Variants in C10orf88 observed in about 807,000 individuals in gnomAD.
The protein encoded by C10orf88 is chromosome 10 open reading frame 88.
In C10orf88, 29 loss-of-function variants were observed where a neutral mutation model predicts 34.2. The ratio of observed to expected loss-of-function variants is 0.85; its 90% CI spans 0.63 to 1.16. The LOEUF is 1.16. Among genes scored for constraint, C10orf88 ranks in the 50% most tolerant of loss-of-function variants. The pLI is 0.00. For synonymous variants in C10orf88, 194 were observed against 197.4 expected (o/e 0.98, Z 0.15); for missense variants, 507 against 533.2 (o/e 0.95, Z 0.48).
intron 3 of C10orf88, among the ~76,000 whole-genome samples, chr10:122,951,072 T>G (rs1848685336): frequency 6.6e-6 from 1 of 152,228 alleles, no homozygotes; most frequent in Non-Finnish European, 1.5e-5. Context: ...AGGACAGAAC[T>G]GAATTAGCAT....
At chr10:122,947,669 C>A (rs553059910) in intron 4 of C10orf88, among the ~76,000 whole-genome samples, 2 of 152,276 alleles carry the variant, frequency 1.3e-5, no homozygotes, top group Non-Finnish European at 2.9e-5. Context: ...TTTGCAACAT[C>A]CTTCCAGGGA....
intron 4 of C10orf88, among the ~76,000 whole-genome samples, chr10:122,944,132 C>T (rs1589696259): frequency 6.6e-6 from 1 of 151,738 alleles, no homozygotes; most frequent in East Asian, 1.9e-4. Flanking sequence ...ACCCAAATGT[C>T]CAACAATGAT....
Position 122,952,009 on chromosome 10 carries a change from A to G in C10orf88, c.386T>C (p.Ile129Thr), listed in dbSNP as rs757240069. ...CAATTTTAGATTTTTTTTATACAAA[A>G]TGATCTTTTCATGTTCACTAAAAAT... ...VLDDSEHEKI[I>T]LYKKNLKLES... The change falls in exon 3 of 6, where the codon ATT (isoleucine) becomes ACT (threonine). Residue 129 changes from isoleucine (I) to threonine (T), a missense_variant. Transcript: ENST00000481909. 3.3e-6 allele frequency: 5 copies of G among 1,508,082 alleles called. No homozygotes were observed. Among genetic ancestry groups the G allele is most frequent in the Non-Finnish European group, 4.6e-6 (5 of 1,093,336 alleles). The allele number at this position is 1,508,082 out of a possible 1,614,324, so 93.4% of individuals were successfully genotyped here.
At chr10:122,953,137 G>A in intron 1 of C10orf88, 105 bp from the exon 2 acceptor site, 1 of 890,968 alleles carries the variant, frequency 1.1e-6, no homozygotes, top group African/African-American at 1.7e-5. Context: ...GAATGCAGTG[G>A]CTCCATCTCG....
In C10orf88 at chr10:122,945,547, A is replaced by G. The variant is rs937568697; in HGVS notation, c.648+3102T>C. On this transcript the variant is annotated intron_variant, in intron 4 of 5. Coordinates refer to ENST00000481909, the MANE Select transcript of C10orf88 (RefSeq NM_024942.4). ...CCTGAAGACCTTCCAGTGGGACAAG[A>G]TATGGAGGTGGGAGACAGTGATACT... Among the ~76,000 whole-genome samples the G allele has an allele frequency of 2.0e-5, 3 of 152,072 alleles. No homozygotes were observed. In the East Asian group the frequency reaches 5.8e-4, roughly 29 times the overall value.
rs1239980931 is a variant in C10orf88, at chr10:122,948,738, C to T, written c.559G>A (p.Asp187Asn). 1 of 1,613,980 alleles carries T rather than the reference C, an allele frequency of 6.2e-7. No individual in the cohort carries two copies. Residue 187 changes from aspartate to asparagine, a missense_variant, in exon 4 of 6, where the codon GAC becomes AAC. By Grantham distance (23) the Asp-to-Asn change is conservative. Coordinates refer to ENST00000481909, the MANE Select transcript of C10orf88 (RefSeq NM_024942.4). ...GACTCCATTATGGTTTGGACCTTGT[C>T]AAGGTCTATCCTTGATCCTAGAGCA... Reference protein sequence around the residue: ...SPALGSRIDLDKVQTIMESMG... With the variant: ...SPALGSRIDLNKVQTIMESMG...
chr10:122,932,704 C>T, intron 5 of C10orf88, 43 bp from the exon 6 acceptor site: 1 of 1,315,392 alleles, frequency 7.6e-7, no homozygotes, highest in Non-Finnish European at 1.0e-6. Context: ...TCCCTAATAA[C>T]AAAAACAACC....
intron 4 of C10orf88, among the ~76,000 whole-genome samples, chr10:122,942,691 T>C (rs1414657973): frequency 6.6e-6 from 1 of 150,648 alleles, no homozygotes. Flanking sequence ...GGATACAAAA[T>C]CAATGTACAA....
chr10:122,935,277 T>C (rs767926441), intron 5 of C10orf88, among the ~76,000 whole-genome samples: 2 of 152,210 alleles, frequency 1.3e-5, no homozygotes, highest in South Asian at 2.1e-4. Context: ...AAAAGCTTTA[T>C]AGTTTTATAT....
At position 122,941,287 on chromosome 10, in the gene C10orf88, C is replaced by T. The variant is rs371398017; in HGVS notation, c.649-3128G>A. Among the ~76,000 whole-genome samples, 73 of 152,168 alleles carry T rather than the reference C, an allele frequency of 4.8e-4. No homozygotes were observed. The East Asian group carries it at 0.014, about 29-fold the overall frequency. ...TTGCTAAAGCAAAAGCAAATCAAAG[C>T]CAGCAAACTGAACTTCAAATAGAAG... On this transcript the variant is annotated intron_variant, in intron 4 of 5. Coordinates refer to ENST00000481909, the MANE Select transcript of C10orf88 (RefSeq NM_024942.4).
chr10:122,950,837 T>C (rs1438489079), intron 3 of C10orf88, among the ~76,000 whole-genome samples: 3 of 152,224 alleles, frequency 2.0e-5, no homozygotes, highest in Admixed American at 6.5e-5. Context: ...CTATTTAATA[T>C]ATACTATCCA....
Position 122,937,939 on chromosome 10 carries a change from T to A in C10orf88, c.869A>T (p.Lys290Met). 2 of 1,613,326 alleles carry A rather than the reference T, an allele frequency of 1.2e-6. No homozygotes were observed. The highest frequency in any genetic ancestry group is 1.7e-6 in the Non-Finnish European group (2 of 1,179,460). Residue 290 changes from lysine to methionine, a missense_variant, in exon 5 of 6, where the codon AAG (lysine) becomes ATG (methionine). Transcript: ENST00000481909. ...TQLPGGENST[K>M]LDECKVMPQN... is the part of the protein sequence containing the mutation. ...AGGCATAACTTTACACTCATCAAGC[T>A]TGGTAGAATTCTCTCCACCAGGCAG...
chr10:122,949,231 A>G (rs140380475), intron 3 of C10orf88, among the ~76,000 whole-genome samples: 31 of 152,226 alleles, frequency 2.0e-4, no homozygotes, highest in African/African-American at 7.0e-4. Context: ...CAACCCCTAT[A>G]TTTTTTCCTA....
In C10orf88 at chr10:122,951,958, AT is replaced by A; in HGVS notation, c.436del (p.Ile146Ter). On this transcript the variant is annotated frameshift_variant, in exon 3 of 6. Coordinates refer to ENST00000481909, the MANE Select transcript of C10orf88 (RefSeq NM_024942.4). LOFTEE classifies it high-confidence loss of function. Reference protein sequence around the residue: ...KLESSTHACKIKLLSFGERQC... With the variant: ...KLESSTHACKXKLLSFGERQC... The stretch of plus-strand genomic sequence containing the variant: ...AGTTTACAACTGACAACTTACCTTT[AT>A]TTTACAAGCATGTGTGGAGGACTCC... 1 of 1,541,338 alleles carries A rather than the reference AT, an allele frequency of 6.5e-7. No individual in the cohort carries two copies. The highest frequency in any genetic ancestry group is 8.9e-7 in the Non-Finnish European group (1 of 1,121,284).
Position 122,937,977 on chromosome 10 carries a change from A to T in C10orf88, c.831T>A (p.Asp277Glu). 6.2e-7 allele frequency: 1 copy of T among 1,613,398 alleles called. No homozygotes were observed. Among genetic ancestry groups the T allele is most frequent in the Non-Finnish European group, 8.5e-7 (1 of 1,179,536 alleles). The stretch of plus-strand genomic sequence containing the variant: ...CTCCACCAGGCAGTTGTGTACTTTT[A>T]TCAATGTAAGTTTGTAAGTTTTCAG... ...NVTENLQTYI[D>E]KSTQLPGGEN... The change falls in exon 5 of 6, where the codon GAT becomes GAA. Residue 277 changes from aspartate (D) to glutamate (E), a missense_variant. Physicochemically the swap from Asp to Glu is conservative, Grantham distance 45 (BLOSUM62 2). Coordinates refer to ENST00000481909, the MANE Select transcript of C10orf88 (RefSeq NM_024942.4).
intron 4 of C10orf88, 122 bp from the exon 5 acceptor site, chr10:122,938,281 T>A: frequency 1.2e-6 from 1 of 844,912 alleles, no homozygotes; most frequent in Non-Finnish European, 1.8e-6. Context: ...CCTTATAAAG[T>A]AGGCCACTAA....
At chr10:122,935,532 C>T (rs1251646021) in intron 5 of C10orf88, among the ~76,000 whole-genome samples, 2 of 151,954 alleles carry the variant, frequency 1.3e-5, no homozygotes, top group Admixed American at 1.3e-4. Flanking sequence ...AATACTGTGG[C>T]TATGTCTTGA....
At chr10:122,945,702 C>T (rs570456274) in intron 4 of C10orf88, among the ~76,000 whole-genome samples, 55 of 151,886 alleles carry the variant, frequency 3.6e-4, no homozygotes, top group Middle Eastern at 3.4e-3. Context: ...ATAAAGAAAC[C>T]AAATATATTT....
rs768562196 is a variant in C10orf88 at position 122,952,018 on chromosome 10, T to C, written c.377A>G (p.Glu126Gly). The C allele has an allele frequency of 1.4e-6, 2 of 1,453,592 alleles. No individual in the cohort carries two copies. Among genetic ancestry groups the C allele is most frequent in the South Asian group, 2.4e-5 (2 of 82,036 alleles). 90.0% of individuals were successfully genotyped at this position (1,453,592 alleles called of 1,614,324 possible). A position where few individuals can be genotyped will look rare whatever the true frequency, so the allele number is the denominator to read the frequency against. The part of the protein sequence containing the change: ...VCTVLDDSEH[E>G]KIILYKKNLK... Reference sequence around the variant, plus strand: ...ATTTTTTTTATACAAAATGATCTTTTCATGTTCACTAAAAATAAAAAAGAA... The same window carrying C: ...ATTTTTTTTATACAAAATGATCTTTCCATGTTCACTAAAAATAAAAAAGAA... Residue 126 changes from glutamate (E) to glycine (G), a missense_variant, in exon 3 of 6, where the codon GAA becomes GGA. Physicochemically the swap from Glu to Gly is moderately conservative, Grantham distance 98 (BLOSUM62 -2). Transcript: ENST00000481909.
Sources: allele counts gnomAD v4.1 joint callset (sites outside exome capture counted in the v4.1 genomes callset), GRCh38; gene constraint gnomAD v4.1.1; transcripts MANE v1.5; gene names NCBI Gene and HGNC (gene_info 2026-07-23, HGNC 2026-07-21).